BBX: variants seen among roughly 807,000 people sequenced by gnomAD.
BBX encodes the protein BBX high mobility group box domain containing.
Under a neutral mutation model 100.2 loss-of-function variants are expected in BBX, and 30 were observed. The ratio of observed to expected loss-of-function variants is 0.30; its 90% CI spans 0.22 to 0.41. The LOEUF is 0.41. Ranked by LOEUF, BBX falls within the 10% of genes least tolerant of loss-of-function variation. BBX has a pLI of 1.00. For missense variants in BBX, 1,023 were observed against 1,129.8 expected (o/e 0.91, Z 1.35); for synonymous variants, 376 against 388.1 (o/e 0.97, Z 0.37).
chr3:107,767,015 A>G (rs1281657045), intron 10 of BBX, among the ~76,000 whole-genome samples: 4 of 152,228 alleles, frequency 2.6e-5, no homozygotes, highest in Non-Finnish European at 4.4e-5. Flanking sequence ...GAACACATGG[A>G]CACAGGGAGG....
intron 2 of BBX, among the ~76,000 whole-genome samples, chr3:107,570,677 G>T (rs2051287323): frequency 6.6e-6 from 1 of 152,062 alleles, no homozygotes; most frequent in Admixed American, 6.6e-5. Context: ...TTATAGGGTG[G>T]GGGAGCGGAG....
At chr3:107,801,684 G>A (rs1326579679) in intron 17 of BBX, among the ~76,000 whole-genome samples, 1 of 152,026 alleles carries the variant, frequency 6.6e-6, no homozygotes, top group Non-Finnish European at 1.5e-5. Context: ...AAAAACAGGG[G>A]CAGGTGGCAC....
chr3:107,754,696 G>C (rs2065340356), intron 9 of BBX, among the ~76,000 whole-genome samples: 1 of 152,116 alleles, frequency 6.6e-6, no homozygotes, highest in Non-Finnish European at 1.5e-5. Context: ...CTACTAAATG[G>C]AAATAAGAAA....
intron 11 of BBX, among the ~76,000 whole-genome samples, chr3:107,774,323 C>A (rs1402299975): frequency 1.3e-5 from 2 of 152,128 alleles, no homozygotes; most frequent in Non-Finnish European, 2.9e-5. Context: ...GTCTAACAAG[C>A]CCCAAATGAA....
At chr3:107,690,054 G>A (rs1164515443) in intron 3 of BBX, among the ~76,000 whole-genome samples, 1 of 152,058 alleles carries the variant, frequency 6.6e-6, no homozygotes, top group East Asian at 1.9e-4. Flanking sequence ...GTAGCCTAGG[G>A]TTTTTTAATG....
At chr3:107,792,100 A>G (rs2069121719) in intron 15 of BBX, among the ~76,000 whole-genome samples, 1 of 152,218 alleles carries the variant, frequency 6.6e-6, no homozygotes, top group Admixed American at 6.5e-5. Context: ...TCTCACGGCC[A>G]TATTTATTTG....
intron 3 of BBX, chr3:107,657,181 A>G (rs1367332861): frequency 2.0e-5 from 3 of 152,168 alleles, no homozygotes. Flanking sequence ...AGGTAAGAAA[A>G]CATTCATTCT....
chr3:107,618,317 T>C (rs572966529), intron 2 of BBX, among the ~76,000 whole-genome samples: 3 of 152,172 alleles, frequency 2.0e-5, no homozygotes, highest in Admixed American at 1.3e-4. Flanking sequence ...TGAGGAATAT[T>C]AGTGTGTGTC....
chr3:107,786,839 GA>G (rs1447348455), intron 13 of BBX, among the ~76,000 whole-genome samples: 1 of 152,084 alleles, frequency 6.6e-6, no homozygotes, highest in Non-Finnish European at 1.5e-5. Flanking sequence ...ACACTGCCAA[GA>G]AAGTGAAAAG....
At chr3:107,761,757 C>T (rs1010782158) in intron 10 of BBX, among the ~76,000 whole-genome samples, 3 of 151,946 alleles carry the variant, frequency 2.0e-5, no homozygotes, top group African/African-American at 7.3e-5. Flanking sequence ...GATTGCTAGC[C>T]AAGTAAATAG....
intron 2 of BBX, among the ~76,000 whole-genome samples, chr3:107,548,719 C>G (rs2049425992): frequency 6.6e-6 from 1 of 152,086 alleles, no homozygotes; most frequent in Non-Finnish European, 1.5e-5. Flanking sequence ...TTTACCATAG[C>G]AAAGACGTGG....
At chr3:107,571,260 T>C (rs918954749) in intron 2 of BBX, among the ~76,000 whole-genome samples, 1 of 152,018 alleles carries the variant, frequency 6.6e-6, no homozygotes, top group African/African-American at 2.4e-5. Context: ...GTCCCCGCAA[T>C]TGACTTGTCA....
chr3:107,616,755 G>A (rs990336504), intron 2 of BBX, among the ~76,000 whole-genome samples: 3 of 151,880 alleles, frequency 2.0e-5, no homozygotes, highest in African/African-American at 7.3e-5. Context: ...TTTTCTTACT[G>A]TTGAATTTTG....
intron 9 of BBX, among the ~76,000 whole-genome samples, chr3:107,751,278 G>T (rs1236421960): frequency 1.3e-5 from 2 of 152,068 alleles, no homozygotes; most frequent in Admixed American, 6.6e-5. Context: ...AGAAGTGGGT[G>T]TTTATGTAAT....
chr3:107,777,899 T>C (rs1559696832), intron 12 of BBX, among the ~76,000 whole-genome samples: 1 of 152,136 alleles, frequency 6.6e-6, no homozygotes, highest in Non-Finnish European at 1.5e-5. Flanking sequence ...CAATATATCA[T>C]ATGGTAATTT....
intron 2 of BBX, among the ~76,000 whole-genome samples, chr3:107,536,496 A>T (rs2048501432): frequency 6.6e-6 from 1 of 152,152 alleles, no homozygotes; most frequent in African/African-American, 2.4e-5. Context: ...TTTTAGCCGA[A>T]CAATGGTTTT....
At chr3:107,576,873 A>T (rs906334821) in intron 2 of BBX, among the ~76,000 whole-genome samples, 7 of 151,824 alleles carry the variant, frequency 4.6e-5, no homozygotes, top group Admixed American at 6.6e-5. Flanking sequence ...TTATTTATTT[A>T]TTTTTTGAGA....
At chr3:107,735,942 GA>G (rs145146643) in intron 7 of BBX, among the ~76,000 whole-genome samples, 3 of 151,710 alleles carry the variant, frequency 2.0e-5, no homozygotes, top group South Asian at 4.2e-4. Flanking sequence ...GGTCTGTGAT[GA>G]AAAAAAATGG....
rs2061645942 is a variant in BBX, at chr3:107,710,455, A to G, written c.-6A>G. The stretch of plus-strand genomic sequence containing the variant: ...TCTCTCTCTCTTCCTATTACAGGTC[A>G]CAGTAATGAAAGGCAGTAATAGAAA... On this transcript the variant is annotated 5_prime_UTR_variant, in exon 4 of 18. Coordinates refer to ENST00000325805, the MANE Select transcript of BBX (RefSeq NM_001142568.3). 6.2e-7 allele frequency: 1 copy of G among 1,609,172 alleles called. No individual in the cohort carries two copies. The highest frequency in any genetic ancestry group is 8.5e-7 in the Non-Finnish European group (1 of 1,176,962).
Sources: gnomAD v4.1 joint callset for allele counts (sites outside exome capture counted in the v4.1 genomes callset) on GRCh38, gnomAD v4.1.1 for gene constraint, MANE v1.5 for transcripts, NCBI Gene and HGNC (gene_info 2026-07-23, HGNC 2026-07-21) for gene names.